The following OSBPL3 variants were observed in gnomAD, a reference collection of about 807,000 sequenced individuals.
OSBPL3 encodes oxysterol-binding protein-related protein 3.
Under a neutral mutation model 120.1 loss-of-function variants are expected in OSBPL3, and 65 were observed. That is an observed-to-expected ratio of 0.54 (90% CI 0.44 to 0.67). The LOEUF (loss-of-function observed/expected upper bound fraction) is 0.67, where lower values mean the gene tolerates loss of function less well. OSBPL3 is among the 30% of genes least tolerant of loss of function. The pLI is 0.00. For missense variants in OSBPL3, 1,004 were observed against 1,082.1 expected, an observed-to-expected ratio of 0.93 and a Z score of 1.01; for synonymous variants, 416 against 402.6, an observed-to-expected ratio of 1.03 and a Z score of -0.40.
chr7:24,976,987 A>C (rs1325357727), intron 1 of OSBPL3, among the ~76,000 whole-genome samples: 1 of 152,196 alleles, frequency 6.6e-6, no homozygotes, highest in African/African-American at 2.4e-5. Context: ...TGTCAGCGTA[A>C]GAGTAGAGAG....
chr7:24,866,458 T>C (rs1182275239), intron 5 of OSBPL3, among the ~76,000 whole-genome samples: 1 of 152,012 alleles, frequency 6.6e-6, no homozygotes, highest in Non-Finnish European at 1.5e-5. Flanking sequence ...GGCAACCTGG[T>C]GAAACCCTGT....
At position 24,804,430 on chromosome 7, in the gene OSBPL3, C is replaced by G. The variant is rs935090940; in HGVS notation, c.2452G>C (p.Glu818Gln). Residue 818 changes from glutamate to glutamine, a missense_variant, in exon 22 of 23, where the codon GAG becomes CAG. Coordinates refer to ENST00000313367, the MANE Select transcript of OSBPL3 (RefSeq NM_015550.4). The surrounding 1 kb of genome is among the most constrained non-coding windows in gnomAD (Gnocchi z 5.4). ...TCAGCTTCTTCTAAGTTCCCTTCCT[C>G]TAGAAACCTGAGGCATCGAGGAAAA... ...TRFRPDQRFL[E>Q]EGNLEEAEIQ... is the part of the protein sequence containing the mutation. 4.3e-6 allele frequency: 7 copies of G among 1,613,508 alleles called. No homozygotes were observed. The highest frequency in any genetic ancestry group is 5.1e-6 in the Non-Finnish European group (6 of 1,179,844).
rs1800767373 is a variant in OSBPL3 at position 24,862,840 on chromosome 7, C to T, written c.870+360G>A. Among the ~76,000 whole-genome samples the T allele has an allele frequency of 6.6e-6, 1 of 152,122 alleles. No individual in the cohort carries two copies. Among genetic ancestry groups the T allele is most frequent in the Non-Finnish European group, 1.5e-5 (1 of 68,024 alleles). On this transcript the variant is annotated intron_variant, in intron 9 of 22. Coordinates refer to ENST00000313367, the MANE Select transcript of OSBPL3 (RefSeq NM_015550.4). The surrounding 1 kb of genome is among the most constrained non-coding windows in gnomAD (Gnocchi z 4.4). Reference sequence around the variant, plus strand: ...GAGCATCAGCGGAAGACACAGGTCACAGCACACAGCAACTGCAGCCACAAA... The same window carrying T: ...GAGCATCAGCGGAAGACACAGGTCATAGCACACAGCAACTGCAGCCACAAA...
rs1199121765 is a variant in OSBPL3 at position 24,900,069 on chromosome 7, T to C, written c.-149-7448A>G. On this transcript the variant is annotated intron_variant, in intron 1 of 22. Transcript: ENST00000313367. The surrounding 1 kb of genome is among the most constrained non-coding windows in gnomAD (Gnocchi z 4.5). The stretch of plus-strand genomic sequence containing the variant: ...CTTTTATTATCGTAGTCCTGTGGTT[T>C]TTAAAGAGGGGCCCTAAGACTTGCA... Among the ~76,000 whole-genome samples, 1 of 152,164 alleles carries C rather than the reference T, an allele frequency of 6.6e-6. No individual in the cohort carries two copies. The highest frequency in any genetic ancestry group is 1.5e-5 in the Non-Finnish European group (1 of 68,026).
rs1011558705 is a variant in OSBPL3, at chr7:24,822,201, G to A, written c.1885-1963C>T. On this transcript the variant is annotated intron_variant, in intron 16 of 22. Transcript: ENST00000313367. This position sits in a 1 kb window ranked among gnomAD's most constrained non-coding sequence, Gnocchi z 5.8. ...CTTTTTTAAAAAAATCCTACCACTT[G>A]GAGATACCTTATATTAAAAAATGCT... Among the ~76,000 whole-genome samples, 17 of 152,084 alleles carry A rather than the reference G, an allele frequency of 1.1e-4. No individual in the cohort carries two copies. The highest frequency in any genetic ancestry group is 2.1e-4 in the Non-Finnish European group (14 of 68,020).
intron 1 of OSBPL3, among the ~76,000 whole-genome samples, chr7:24,903,060 G>C (rs938019006): frequency 6.6e-6 from 1 of 152,212 alleles, no homozygotes; most frequent in Non-Finnish European, 1.5e-5. Context: ...AGTAAGACAA[G>C]GTGCTGCTGG....
intron 1 of OSBPL3, among the ~76,000 whole-genome samples, chr7:24,963,379 C>T (rs896650481): frequency 1.3e-5 from 2 of 152,224 alleles, no homozygotes; most frequent in African/African-American, 4.8e-5. Context: ...ATGCTGATGT[C>T]AGCAGTGCCA....
intron 1 of OSBPL3, among the ~76,000 whole-genome samples, chr7:24,906,969 T>G (rs1808029854): frequency 6.6e-6 from 1 of 152,146 alleles, no homozygotes. Flanking sequence ...TACTCCCTCA[T>G]GCTGATATTA....
rs533401007 is a variant in OSBPL3, at chr7:24,922,306, T to G, written c.-149-29685A>C. Among the ~76,000 whole-genome samples, 1 of 152,250 alleles carries G rather than the reference T, an allele frequency of 6.6e-6. No individual in the cohort carries two copies. The highest frequency in any genetic ancestry group is 1.9e-4 in the East Asian group (1 of 5,188). On this transcript the variant is annotated intron_variant, in intron 1 of 22. Coordinates refer to ENST00000313367, the MANE Select transcript of OSBPL3 (RefSeq NM_015550.4). The surrounding 1 kb of genome is among the most constrained non-coding windows in gnomAD (Gnocchi z 4.3). ...GGGGGACTGGGGAGAGCACAAACTT[T>G]CGTGTTAGAAAGGTGGCTTGTCCTT...
Position 24,818,949 on chromosome 7 carries a change from G to A in OSBPL3, c.1948+1226C>T, listed in dbSNP as rs1033568875. Among the ~76,000 whole-genome samples, 2 of 151,890 alleles carry A rather than the reference G, an allele frequency of 1.3e-5. No individual in the cohort carries two copies. The highest frequency in any genetic ancestry group is 2.9e-5 in the Non-Finnish European group (2 of 67,960). ...CAAAACTACTTTGAGAAGACCCCTC[G>A]CATTAAAAAAAAATCCAACTTTTGG... On this transcript the variant is annotated intron_variant, in intron 17 of 22. Coordinates refer to ENST00000313367, the MANE Select transcript of OSBPL3 (RefSeq NM_015550.4). This position sits in a 1 kb window ranked among gnomAD's most constrained non-coding sequence, Gnocchi z 4.0.
intron 16 of OSBPL3, among the ~76,000 whole-genome samples, chr7:24,825,972 T>TA (rs1380964507): frequency 1.3e-5 from 2 of 152,216 alleles, no homozygotes; most frequent in African/African-American, 4.8e-5. Flanking sequence ...TTCATGTAAT[T>TA]AGGAAAAGCT....
intron 14 of OSBPL3, among the ~76,000 whole-genome samples, chr7:24,837,212 A>G (rs1797114742): frequency 6.6e-6 from 1 of 152,122 alleles, no homozygotes; most frequent in Non-Finnish European, 1.5e-5. Flanking sequence ...AATTAATTAA[A>G]TATTGAGATA....
intron 1 of OSBPL3, chr7:24,917,825 A>C (rs1209477145): frequency 1.3e-5 from 2 of 152,254 alleles, no homozygotes; most frequent in Non-Finnish European, 2.9e-5. Context: ...ATATGTTGGC[A>C]CATTAAAGGC....
At chr7:24,823,063 G>C (rs1057365918) in intron 16 of OSBPL3, among the ~76,000 whole-genome samples, 1 of 152,054 alleles carries the variant, frequency 6.6e-6, no homozygotes, top group East Asian at 1.9e-4. Context: ...CCTATTTCTG[G>C]AGCATCTGCC....
intron 19 of OSBPL3, 35 bp from the exon 20 acceptor site, chr7:24,809,986 A>G: frequency 6.2e-7 from 1 of 1,611,960 alleles, no homozygotes; most frequent in Non-Finnish European, 8.5e-7. Flanking sequence ...TTAGTCCTTT[A>G]GCATCAGCTT....
At chr7:24,957,099 A>G (rs944114351) in intron 1 of OSBPL3, among the ~76,000 whole-genome samples, 2 of 152,114 alleles carry the variant, frequency 1.3e-5, no homozygotes, top group Non-Finnish European at 2.9e-5. Context: ...TGAAAGTTTC[A>G]GTCTCTGTAC....
chr7:24,926,520 C>T (rs1161071352), intron 1 of OSBPL3, among the ~76,000 whole-genome samples: 3 of 152,202 alleles, frequency 2.0e-5, no homozygotes, highest in Non-Finnish European at 4.4e-5. Context: ...ATTACCCCCA[C>T]TTTTCAGCTG....
At chr7:24,897,637 C>T (rs543624685) in intron 1 of OSBPL3, among the ~76,000 whole-genome samples, 30 of 152,290 alleles carry the variant, frequency 2.0e-4, no homozygotes, top group African/African-American at 7.0e-4. Flanking sequence ...ATGGCAGAAT[C>T]TTAAAACATG....
intron 14 of OSBPL3, among the ~76,000 whole-genome samples, chr7:24,837,624 C>T (rs1433630030): frequency 6.6e-6 from 1 of 152,232 alleles, no homozygotes; most frequent in Non-Finnish European, 1.5e-5. Context: ...CTACTAACAG[C>T]TAACACATAT....
Sources: allele counts gnomAD v4.1 joint callset (sites outside exome capture counted in the v4.1 genomes callset), GRCh38; gene constraint gnomAD v4.1.1; non-coding constraint Gnocchi (gnomAD v3.1); transcripts MANE v1.5; gene names NCBI Gene and HGNC (gene_info 2026-07-23, HGNC 2026-07-21).